Variants in TENM2 observed in about 807,000 individuals in gnomAD.
The protein encoded by TENM2 is teneurin transmembrane protein 2.
A neutral mutation model predicts 245.2 loss-of-function variants in TENM2; 52 were observed. The ratio of observed to expected loss-of-function variants is 0.21; its 90% CI spans 0.17 to 0.27. TENM2 has a LOEUF of 0.27. TENM2 is among the 10% of genes least tolerant of loss of function. The probability of loss-of-function intolerance (pLI) is 1.00; values close to 1 mark genes in which losing one functional copy is unlikely to be tolerated. For synonymous variants in TENM2, 1,363 were observed against 1,438.9 expected, an observed-to-expected ratio of 0.95 and a Z score of 1.19; for missense variants, 3,046 against 3,666.8, an observed-to-expected ratio of 0.83 and a Z score of 4.37.
chr5:168,226,404 C>A, intron 24 of TENM2, 141 bp downstream of exon 26: 1 of 673,858 alleles, frequency 1.5e-6, no homozygotes, highest in Non-Finnish European at 2.5e-6. Flanking sequence ...ATTCAAGTGT[C>A]CACAGCAAAC....
the TENM2 span, among the ~76,000 whole-genome samples, chr5:167,202,523 G>C: frequency 6.6e-6 from 1 of 152,114 alleles, no homozygotes; most frequent in Non-Finnish European, 1.5e-5. Context: ...TATTCTGTCG[G>C]AGAAAGCCAT....
At chr5:167,438,781 C>T (rs1214780647) in intron 2 of TENM2, among the ~76,000 whole-genome samples, 2 of 151,810 alleles carry the variant, frequency 1.3e-5, no homozygotes, top group African/African-American at 4.8e-5. Flanking sequence ...AACAGGTAAG[C>T]GAAGTTTTTT....
At chr5:167,912,010 A>G (rs1263626279) in intron 3 of TENM2, among the ~76,000 whole-genome samples, 1 of 152,224 alleles carries the variant, frequency 6.6e-6, no homozygotes, top group Non-Finnish European at 1.5e-5. Flanking sequence ...TTTTGTAGTC[A>G]GAACACTTAA....
At chr5:167,970,812 G>A (rs1781721301) in intron 4 of TENM2, among the ~76,000 whole-genome samples, 1 of 151,988 alleles carries the variant, frequency 6.6e-6, no homozygotes, top group Non-Finnish European at 1.5e-5. Context: ...GAATTAATCT[G>A]ATATTATTAG....
intron 1 of TENM2, among the ~76,000 whole-genome samples, chr5:167,314,057 A>C (rs1395289782): frequency 6.6e-6 from 1 of 152,242 alleles, no homozygotes; most frequent in African/African-American, 2.4e-5. Flanking sequence ...TTGAATGACT[A>C]ACATATCCTC....
chr5:167,107,926 T>C, the TENM2 span, among the ~76,000 whole-genome samples: 10 of 152,314 alleles, frequency 6.6e-5, no homozygotes, highest in East Asian at 1.9e-3. Context: ...TTGTCTTTGA[T>C]GTAAAATTAT....
intron 2 of TENM2, among the ~76,000 whole-genome samples, chr5:167,441,068 T>C (rs141420079): frequency 4.2e-4 from 64 of 152,244 alleles, no homozygotes; most frequent in African/African-American, 1.4e-3. Context: ...CTAGAGGTAA[T>C]GGAGAGCAGG....
At chr5:167,160,784 GC>G in the TENM2 span, among the ~76,000 whole-genome samples, 1 of 152,174 alleles carries the variant, frequency 6.6e-6, no homozygotes. Context: ...GATGGGATGT[GC>G]CTGTTTTGTT....
At position 167,895,123 on chromosome 5, in the gene TENM2, G is replaced by A. The variant is rs77805384; in HGVS notation, c.712+18928G>A. 9.9e-3 allele frequency among the ~76,000 whole-genome samples: 1,509 copies of A among 152,236 alleles called. 99 individuals are homozygous for A. The highest frequency in any genetic ancestry group is 0.088 in the Admixed American group (1,341 of 15,282). ...TTCTCAGGGCCTTTAACATGTTTAT[G>A]TGAACTGAGACTTTCTATTAGAATA... On this transcript the variant is annotated intron_variant, in intron 3 of 28. Coordinates refer to ENST00000518659, the Ensembl canonical transcript of TENM2.
intron 2 of TENM2, among the ~76,000 whole-genome samples, chr5:167,760,394 T>C (rs994410110): frequency 2.0e-5 from 3 of 152,202 alleles, no homozygotes; most frequent in Non-Finnish European, 2.9e-5. Flanking sequence ...GCATTGGACA[T>C]AGGAGGAAGT....
chr5:167,215,683 G>A, the TENM2 span, among the ~76,000 whole-genome samples: 3 of 152,214 alleles, frequency 2.0e-5, no homozygotes, highest in Non-Finnish European at 4.4e-5. Flanking sequence ...GAGACCTGAA[G>A]AGGCTTTCCC....
chr5:167,282,572 A>G (rs575654547), upstream of TENM2, among the ~76,000 whole-genome samples: 36 of 152,304 alleles, frequency 2.4e-4, no homozygotes, highest in South Asian at 2.1e-3. Context: ...TGTGGAGTAG[A>G]TGCTATTATT....
chr5:167,181,466 T>TTGTGTGTGTGTG, the TENM2 span, among the ~76,000 whole-genome samples: 178 of 122,572 alleles, frequency 1.5e-3, no homozygotes, highest in African/African-American at 2.7e-3. Context: ...AGCCGCTCGT[T>TTGTGTGTGTGTG]TGTGTGTGTG....
At chr5:167,044,349 G>A in the TENM2 span, among the ~76,000 whole-genome samples, 7 of 152,168 alleles carry the variant, frequency 4.6e-5, no homozygotes, top group Non-Finnish European at 1.0e-4. Context: ...AAGACGAAAA[G>A]TGACTTTGCG....
the TENM2 span, among the ~76,000 whole-genome samples, chr5:167,171,136 C>G: frequency 5.9e-5 from 9 of 152,252 alleles, no homozygotes; most frequent in South Asian, 1.9e-3. Context: ...TGGCTCTGTT[C>G]CAGCCACACT....
chr5:167,398,479 G>A (rs2127380957), intron 2 of TENM2, among the ~76,000 whole-genome samples: 1 of 146,768 alleles, frequency 6.8e-6, no homozygotes, highest in Middle Eastern at 3.6e-3. Flanking sequence ...TGTGCAGGCT[G>A]GAATGGAGTT....
chr5:167,354,826 G>T (rs1179277262), intron 1 of TENM2, among the ~76,000 whole-genome samples: 1 of 152,154 alleles, frequency 6.6e-6, no homozygotes. Flanking sequence ...AGCCAGAAAT[G>T]TTTGTTGAAT....
At chr5:166,994,180 G>A in the TENM2 span, among the ~76,000 whole-genome samples, 62 of 152,198 alleles carry the variant, frequency 4.1e-4, no homozygotes, top group African/African-American at 1.4e-3. Flanking sequence ...CTGTAGCTAC[G>A]TGCAGTTGAT....
At chr5:168,199,054 C>T in exon 16 of TENM2, 3 of 1,613,938 alleles carry the variant, frequency 1.9e-6, no homozygotes, top group Non-Finnish European at 2.5e-6. Flanking sequence ...TCATCTCCTC[C>T]CCACTGTCCA....
Sources: gnomAD v4.1 joint callset for allele counts (sites outside exome capture counted in the v4.1 genomes callset) on GRCh38, gnomAD v4.1.1 for gene constraint, MANE v1.5 for transcripts, NCBI Gene and HGNC (gene_info 2026-07-23, HGNC 2026-07-21) for gene names.